The following ALPK3 variants were observed in gnomAD, a reference collection of about 807,000 sequenced individuals.
The protein encoded by ALPK3 is alpha kinase 3.
Under a neutral mutation model 140.0 loss-of-function variants are expected in ALPK3, and 102 were observed. That is an observed-to-expected ratio of 0.73 (90% CI 0.62 to 0.86). The LOEUF is 0.86. Among genes scored for constraint, ALPK3 ranks in the 40% least tolerant of loss-of-function variants. The pLI is 0.00. For synonymous variants in ALPK3, 938 were observed against 898.5 expected (o/e 1.04, Z -0.79); for missense variants, 2,254 against 2,208.2 (o/e 1.02, Z -0.42).
At chr15:84,866,314 A>T (rs749137505) in intron 12 of ALPK3, among the ~76,000 whole-genome samples, 2 of 152,210 alleles carry the variant, frequency 1.3e-5, no homozygotes, top group Non-Finnish European at 2.9e-5. Flanking sequence ...ACATATTATG[A>T]TTTTCTCAAT....
rs2141542073 is a variant in ALPK3, at chr15:84,817,403, C to T, written c.-50C>T. 8.1e-7 allele frequency: 1 copy of T among 1,229,168 alleles called. No individual in the cohort carries two copies. Among genetic ancestry groups the T allele is most frequent in the African/African-American group, 1.6e-5 (1 of 63,472 alleles). The allele number at this position is 1,229,168 out of a possible 1,614,324, so 76.1% of individuals were successfully genotyped here. On this transcript the variant is annotated 5_prime_UTR_variant, in exon 1 of 14. Transcript: ENST00000258888. ...GGCCCGGGGGCCGGGGCCTGGAGGA[C>T]AGGCGAGGCAGCGGCGAGTGCGGGG...
rs1963373816 is a variant in ALPK3 at position 84,817,502 on chromosome 15, C to CGGGGGCG, written c.58_64dup (p.Asp22GlyfsTer5). The CGGGGGCG allele has an allele frequency of 1.7e-6, 1 of 602,048 alleles. No individual in the cohort carries two copies. The highest frequency in any genetic ancestry group is 1.8e-5 in the South Asian group (1 of 56,654). 37.3% of individuals were successfully genotyped at this position (602,048 alleles called of 1,614,324 possible). A position where few individuals can be genotyped will look rare whatever the true frequency, so the allele number is the denominator to read the frequency against. ...CGGGGCTGGGGCGCGGGTGGGCGGTCGGGGGCGGGGGGCGACGGTGAGGAC... is the reference window on the plus strand; with the variant it reads ...CGGGGCTGGGGCGCGGGTGGGCGGTCGGGGGCGGGGGGCGGGGGGCGACGGTGAGGAC... On this transcript the variant is annotated frameshift_variant, in exon 1 of 14. Transcript: ENST00000258888. LOFTEE classifies it high-confidence loss of function.
chr15:84,842,214 A>G (rs1292266759), intron 5 of ALPK3, among the ~76,000 whole-genome samples: 1 of 152,216 alleles, frequency 6.6e-6, no homozygotes, highest in African/African-American at 2.4e-5. Context: ...TTGTATTTTT[A>G]GTAGAGACAG....
At chr15:84,844,455 G>C (rs1963705903) in intron 5 of ALPK3, among the ~76,000 whole-genome samples, 1 of 152,066 alleles carries the variant, frequency 6.6e-6, no homozygotes. Context: ...TCCAACTTTT[G>C]GAATTATTAG....
At position 84,873,071 on chromosome 15, in the gene ALPK3, TTCTG is replaced by T. The variant is rs1255425124; in HGVS notation, c.*4619_*4622del. 6.6e-6 allele frequency: 1 copy of T among 152,202 alleles called. No homozygotes were observed. The highest frequency in any genetic ancestry group is 6.5e-5 in the Admixed American group (1 of 15,270). 9.4% of individuals were successfully genotyped at this position (152,202 alleles called of 1,614,324 possible). On this transcript the variant is annotated 3_prime_UTR_variant, in exon 14 of 14. Coordinates refer to ENST00000258888, the MANE Select transcript of ALPK3 (RefSeq NM_020778.5). The stretch of plus-strand genomic sequence containing the variant: ...TACGATGAGCGCCCTATTTTGTTCC[TTCTG>T]TCTATCTCTGTTGCTGAGATCAGGG...
Position 84,868,631 on chromosome 15 carries a change from T to G in ALPK3, c.*175T>G, listed in dbSNP as rs1964032200. On this transcript the variant is annotated 3_prime_UTR_variant, in exon 14 of 14. Transcript: ENST00000258888. Reference sequence around the variant, plus strand: ...TCAGCTCGTCATCAGATGGCTTTGGTGCATGGCACATAGCCCACTGGCCTC... The same window carrying G: ...TCAGCTCGTCATCAGATGGCTTTGGGGCATGGCACATAGCCCACTGGCCTC... 1.5e-6 allele frequency: 1 copy of G among 680,356 alleles called. No homozygotes were observed. Among genetic ancestry groups the G allele is most frequent in the African/African-American group, 1.8e-5 (1 of 55,190 alleles). 42.1% of individuals were successfully genotyped at this position (680,356 alleles called of 1,614,324 possible).
chr15:84,856,966 C>T lies in ALPK3; in HGVS notation c.2228C>T (p.Pro743Leu). The change falls in exon 6 of 14, where the codon CCT becomes CTT. Residue 743 changes from proline to leucine, a missense_variant. Pro to Leu is a moderately conservative substitution (Grantham distance 98). This residue lies in a region of ALPK3 where 2,088 missense variants were observed against 2,022.9 expected (regional missense o/e 1.03). Coordinates refer to ENST00000258888, the MANE Select transcript of ALPK3 (RefSeq NM_020778.5). ...GPPSRTPKLP[P>L]TAGPRAPLNI... ...CCATCCAGAACCCCCAAACTCCCACCTACAGCGGGTCCTAGAGCTCCTCTG... is the reference window on the plus strand; with the variant it reads ...CCATCCAGAACCCCCAAACTCCCACTTACAGCGGGTCCTAGAGCTCCTCTG... 1 of 1,614,110 alleles carries T rather than the reference C, an allele frequency of 6.2e-7. No homozygotes were observed. The highest frequency in any genetic ancestry group is 8.5e-7 in the Non-Finnish European group (1 of 1,180,010).
intron 5 of ALPK3, among the ~76,000 whole-genome samples, chr15:84,854,422 A>G (rs1156670734): frequency 6.6e-6 from 1 of 152,018 alleles, no homozygotes; most frequent in African/African-American, 2.4e-5. Context: ...AGTAGCTAAG[A>G]TTACAGATGC....
intron 7 of ALPK3, 39 bp from the exon 8 acceptor site, chr15:84,859,737 C>T (rs185860786): frequency 6.3e-7 from 1 of 1,585,478 alleles, no homozygotes; most frequent in East Asian, 2.3e-5. Context: ...AGTCTGCCCC[C>T]ATGCCATGGC....
chr15:84,823,457 C>A, intron 2 of ALPK3, 89 bp downstream of exon 2: 1 of 1,473,680 alleles, frequency 6.8e-7, no homozygotes, highest in Non-Finnish European at 9.5e-7. Context: ...CGTGCACTAA[C>A]CAGGCTGCAT....
rs1392391997 is a variant in ALPK3 at position 84,817,419 on chromosome 15, G to T, written c.-34G>T. 8.0e-7 allele frequency: 1 copy of T among 1,242,908 alleles called. No homozygotes were observed. Among genetic ancestry groups the T allele is most frequent in the Non-Finnish European group, 1.0e-6 (1 of 997,314 alleles). 77.0% of individuals were successfully genotyped at this position (1,242,908 alleles called of 1,614,324 possible). A position where few individuals can be genotyped will look rare whatever the true frequency, so the allele number is the denominator to read the frequency against. On this transcript the variant is annotated 5_prime_UTR_variant, in exon 1 of 14. Transcript: ENST00000258888. ...CCTGGAGGACAGGCGAGGCAGCGGC[G>T]AGTGCGGGGCCGGCGGTCGGGGAGG...
chr15:84,840,804 G>C lies in ALPK3; in HGVS notation c.1525G>C (p.Gly509Arg). 6.2e-7 allele frequency: 1 copy of C among 1,614,212 alleles called. No homozygotes were observed. Among genetic ancestry groups the C allele is most frequent in the Non-Finnish European group, 8.5e-7 (1 of 1,180,030 alleles). Residue 509 changes from glycine (G) to arginine (R), a missense_variant, in exon 5 of 14, where the codon GGG becomes CGG. This residue lies in a region of ALPK3 where 2,088 missense variants were observed against 2,022.9 expected (regional missense o/e 1.03). Transcript: ENST00000258888. The part of the protein sequence containing the change: ...ISSLSQAPEC[G>R]AQSLGKAPPQ... Reference sequence around the variant, plus strand: ...TTCTCTGAGTCAAGCTCCAGAATGCGGGGCCCAGAGCTTAGGAAAGGCCCC... The same window carrying C: ...TTCTCTGAGTCAAGCTCCAGAATGCCGGGCCCAGAGCTTAGGAAAGGCCCC...
chr15:84,847,020 C>T (rs1004229365), intron 5 of ALPK3, among the ~76,000 whole-genome samples: 5 of 152,018 alleles, frequency 3.3e-5, no homozygotes, highest in African/African-American at 1.2e-4. Flanking sequence ...TCACCTCAGC[C>T]CCAAATATCA....
chr15:84,840,408 G>C lies in ALPK3; in HGVS notation c.1129G>C (p.Gly377Arg). The C allele has an allele frequency of 6.2e-7, 1 of 1,613,932 alleles. No homozygotes were observed. Among genetic ancestry groups the C allele is most frequent in the Non-Finnish European group, 8.5e-7 (1 of 1,179,902 alleles). Reference sequence around the variant, plus strand: ...CCAGCCCAGAGGCAGGGCTGCACGGGGGCCTGGGTCCTCTGGCACAGATAG... The same window carrying C: ...CCAGCCCAGAGGCAGGGCTGCACGGCGGCCTGGGTCCTCTGGCACAGATAG... ...QTQPRGRAAR[G>R]PGSSGTDSTR... Residue 377 changes from glycine to arginine, a missense_variant, in exon 5 of 14, where the codon GGG (glycine) becomes CGG (arginine). Transcript: ENST00000258888.
At position 84,817,589 on chromosome 15, in the gene ALPK3, A is replaced by G. The variant is rs775198429; in HGVS notation, c.137A>G (p.Glu46Gly). The G allele has an allele frequency of 1.1e-5, 17 of 1,498,220 alleles. No homozygotes were observed. Among genetic ancestry groups the G allele is most frequent in the Non-Finnish European group, 1.5e-5 (17 of 1,129,248 alleles). 92.8% of individuals were successfully genotyped at this position (1,498,220 alleles called of 1,614,324 possible). The change falls in exon 1 of 14, where the codon GAG (glutamate) becomes GGG (glycine). Residue 46 changes from glutamate (E) to glycine (G), a missense_variant. Physicochemically the swap from Glu to Gly is moderately conservative, Grantham distance 98. Coordinates refer to ENST00000258888, the MANE Select transcript of ALPK3 (RefSeq NM_020778.5). The stretch of plus-strand genomic sequence containing the variant: ...AGCTACCTGCTCAGCGTGCGGCCCG[A>G]GACCAGGTAAGTGGCACCAAGGGGC... ...SRSYLLSVRP[E>G]TSLSSNRLSH...
chr15:84,863,639 G>C lies in ALPK3; in HGVS notation c.4498G>C (p.Glu1500Gln), dbSNP rs1387554674. The C allele has an allele frequency of 6.8e-6, 11 of 1,613,738 alleles. No homozygotes were observed. The highest frequency in any genetic ancestry group is 9.3e-6 in the Non-Finnish European group (11 of 1,179,872). ...CGCGCCTGGCTTTGGGGAGGTGCCT[G>C]AGTAAGTACGCAGCGAGGAGGACGT... ...RAAPGFGEVPEIIPLYLIYRP... is the reference protein window; with the variant it reads ...RAAPGFGEVPQIIPLYLIYRP... Residue 1500 changes from glutamate to glutamine, a missense_variant and splice_region_variant, in exon 11 of 14, where the codon GAG becomes CAG. Glu to Gln is a conservative substitution (Grantham distance 29). Around this residue, in one of 3 missense-constraint regions of ALPK3, gnomAD observed 2,088 missense variants for 2,022.9 expected, o/e 1.03. Coordinates refer to ENST00000258888, the MANE Select transcript of ALPK3 (RefSeq NM_020778.5).
chr15:84,817,680 C>T, intron 1 of ALPK3, 85 bp downstream of exon 1: 1 of 1,359,310 alleles, frequency 7.4e-7, no homozygotes, highest in Admixed American at 3.5e-5. Flanking sequence ...CCCCTGGAGG[C>T]CTGGGCTGGG....
At chr15:84,838,641 A>ATTATTATTAT (rs1963621654) in intron 3 of ALPK3, among the ~76,000 whole-genome samples, 1 of 74,752 alleles carries the variant, frequency 1.3e-5, no homozygotes, top group Non-Finnish European at 2.7e-5. Context: ...ATTATTATTG[A>ATTATTATTAT]GATGGAGTCT....
chr15:84,833,019 G>A (rs1963559654), intron 3 of ALPK3, among the ~76,000 whole-genome samples: 1 of 152,156 alleles, frequency 6.6e-6, no homozygotes, highest in African/African-American at 2.4e-5. Context: ...GCTGTTCCCT[G>A]TTTCAAGCCC....
Sources: gnomAD v4.1 joint callset for allele counts (sites outside exome capture counted in the v4.1 genomes callset) on GRCh38, gnomAD v4.1.1 for gene constraint, gnomAD v4.1.1 regional missense constraint, MANE v1.5 for transcripts, NCBI Gene and HGNC (gene_info 2026-07-23, HGNC 2026-07-21) for gene names.